The following SH3TC1 variants were observed in gnomAD, a reference collection of about 807,000 sequenced individuals.
The protein encoded by SH3TC1 is SH3 domain and tetratricopeptide repeat-containing protein 1.
A neutral mutation model predicts 117.3 loss-of-function variants in SH3TC1; 135 were observed. The ratio of observed to expected loss-of-function variants is 1.15; its 90% CI spans 1.00 to 1.33. SH3TC1 has a LOEUF of 1.33. SH3TC1 is among the 40% of genes most tolerant of loss of function. SH3TC1 has a pLI of 0.00. For synonymous variants in SH3TC1, 898 were observed against 816.9 expected (o/e 1.10, Z -1.69); for missense variants, 2,092 against 1,794.3 (o/e 1.17, Z -3.00).
chr4:8,214,632 G>GTGTAACCAGCAC, intron 5 of SH3TC1, 52 bp downstream of exon 5: 2 of 1,391,248 alleles, frequency 1.4e-6, no homozygotes, highest in Non-Finnish European at 2.0e-6. Flanking sequence ...GTCGGAAGGT[G>GTGTAACCAGCAC]CTGGTTACAC....
In SH3TC1 at chr4:8,183,157, G is replaced by C. The variant is rs1034873963; in HGVS notation, c.-57+947G>C. ...CGACCTTGCCTCCCTCTCCCGCTGG[G>C]GCTATAGAATGGTCTGGAGCCCTCT... On this transcript the variant is annotated intron_variant, in intron 1 of 16. Transcript: ENST00000508641. The surrounding 1 kb of genome is among the most constrained non-coding windows in gnomAD (Gnocchi z 5.4). 3.3e-5 allele frequency among the ~76,000 whole-genome samples: 5 copies of C among 152,180 alleles called. No individual in the cohort carries two copies. Among genetic ancestry groups the C allele is most frequent in the African/African-American group, 1.2e-4 (5 of 41,432 alleles).
At chr4:8,204,988 C>T (rs546219517) in intron 1 of SH3TC1, 179 bp from the exon 2 acceptor site, 11 of 420,374 alleles carry the variant, frequency 2.6e-5, no homozygotes, top group South Asian at 1.9e-4. Context: ...GGCGCAGCAG[C>T]GGTGCGGGAT....
Position 8,186,789 on chromosome 4 carries a change from C to T in SH3TC1, c.-57+4579C>T, listed in dbSNP as rs1717234063. Among the ~76,000 whole-genome samples the T allele has an allele frequency of 6.6e-6, 1 of 151,886 alleles. No homozygotes were observed. The highest frequency in any genetic ancestry group is 2.4e-5 in the African/African-American group (1 of 41,332). ...TGAAACCCCATCTCTACTAAAAATA[C>T]AAAAATTAGCTGGGCGTGGTGGCGG... On this transcript the variant is annotated intron_variant, in intron 1 of 16. Coordinates refer to the SH3TC1 transcript ENST00000508641. The surrounding 1 kb of genome is among the most constrained non-coding windows in gnomAD (Gnocchi z 5.2).
rs981511594 is a variant in SH3TC1, at chr4:8,186,386, T to C, written c.-57+4176T>C. Among the ~76,000 whole-genome samples, 12 of 152,320 alleles carry C rather than the reference T, an allele frequency of 7.9e-5. No homozygotes were observed. Among genetic ancestry groups the C allele is most frequent in the African/African-American group, 2.9e-4 (12 of 41,584 alleles). On this transcript the variant is annotated intron_variant, in intron 1 of 16. Coordinates refer to the SH3TC1 transcript ENST00000508641. This position sits in a 1 kb window ranked among gnomAD's most constrained non-coding sequence, Gnocchi z 5.2. ...AAAGGCACCCCAAAAGACGAGGTGA[T>C]GAAACCAGACGTGGTGTCCCCCATG...
chr4:8,223,005 C>G (rs1390083368), intron 10 of SH3TC1, 35 bp downstream of exon 10: 1 of 1,593,046 alleles, frequency 6.3e-7, no homozygotes, highest in Non-Finnish European at 8.6e-7. Flanking sequence ...GGGGCCACTG[C>G]CCTCCCCTTT....
intron 3 of SH3TC1, 132 bp from the exon 4 acceptor site, chr4:8,212,569 C>A (rs780847976): frequency 1.9e-5 from 24 of 1,268,058 alleles, no homozygotes; most frequent in Non-Finnish European, 2.4e-5. Flanking sequence ...GGGGCTTGGG[C>A]TCCCCAGGAG....
At position 8,218,334 on chromosome 4, in the gene SH3TC1, C is replaced by A. The variant is rs373637959; in HGVS notation, c.903C>A (p.Gly301=). 1.2e-6 allele frequency: 2 copies of A among 1,610,968 alleles called. No individual in the cohort carries two copies. The highest frequency in any genetic ancestry group is 1.7e-6 in the Non-Finnish European group (2 of 1,177,654). Residue 301 remains glycine, a synonymous_variant, in exon 8 of 18, where the codon GGC becomes GGA. Transcript: ENST00000245105. ...CCATGGGTGGCCCTGTGATGCCCGG[C>A]AACCCGCTGATGGGTAAGTGTTTCC... ...DDAMGGPVMP[G]NPLMAVGLAS...
chr4:8,194,495 C>T (rs1254133181), upstream of SH3TC1, among the ~76,000 whole-genome samples: 2 of 152,166 alleles, frequency 1.3e-5, no homozygotes, highest in Non-Finnish European at 2.9e-5. Flanking sequence ...TGAGCTTGTT[C>T]CGCCCTCAGG....
Position 8,236,335 on chromosome 4 carries a change from TG to T in SH3TC1, c.3464del (p.Cys1155SerfsTer25), listed in dbSNP as rs1464473517. The T allele has an allele frequency of 3.9e-6, 6 of 1,552,746 alleles. No homozygotes were observed. The highest frequency in any genetic ancestry group is 5.2e-6 in the Non-Finnish European group (6 of 1,148,652). ...TGNRKAELRL[C>X]NKLVALLATL... Reference sequence around the variant, plus strand: ...CAACCGCAAGGCGGAGCTGCGGCTGTGCAACAAGCTGGTGGCACTGCTGGCC... The same window carrying T: ...CAACCGCAAGGCGGAGCTGCGGCTGTCAACAAGCTGGTGGCACTGCTGGCC... On this transcript the variant is annotated frameshift_variant, in exon 16 of 18. Transcript: ENST00000245105. LOFTEE classifies it high-confidence loss of function.
intron 12 of SH3TC1, among the ~76,000 whole-genome samples, chr4:8,230,669 G>T (rs1721109249): frequency 6.6e-6 from 1 of 151,968 alleles, no homozygotes; most frequent in South Asian, 2.1e-4. Context: ...TAAGGTGGAA[G>T]GTTGGGTTTT....
rs1578657560 is a variant in SH3TC1 at position 8,206,603 on chromosome 4, T to C, written c.172+1237T>C. ...ACCGTGGCATCGCCTCTCCCTGGAG[T>C]GAATCTCTGTGGACCGAGCGGAGGG... is the stretch of plus-strand genomic sequence containing the variant. On this transcript the variant is annotated intron_variant, in intron 2 of 17. Transcript: ENST00000245105. The surrounding 1 kb of genome is among the most constrained non-coding windows in gnomAD (Gnocchi z 5.5). Among the ~76,000 whole-genome samples the C allele has an allele frequency of 6.6e-6, 1 of 151,826 alleles. No homozygotes were observed. The highest frequency in any genetic ancestry group is 1.5e-5 in the Non-Finnish European group (1 of 67,970).
chr4:8,224,360 C>G (rs1720265463), intron 10 of SH3TC1, among the ~76,000 whole-genome samples: 1 of 152,212 alleles, frequency 6.6e-6, no homozygotes, highest in African/African-American at 2.4e-5. Context: ...CTCAGCATAT[C>G]AAGGCTCAGA....
At chr4:8,182,264 G>C (rs1717100350) in intron 1 of SH3TC1, 1 of 152,328 alleles carries the variant, frequency 6.6e-6, no homozygotes, top group Non-Finnish European at 1.5e-5. Context: ...TCCCTGCCGA[G>C]GCTAAAGCCC....
chr4:8,205,727 C>T lies in SH3TC1; in HGVS notation c.172+361C>T. 1 of 689,808 alleles carries T rather than the reference C, an allele frequency of 1.4e-6. No individual in the cohort carries two copies. Among genetic ancestry groups the T allele is most frequent in the Non-Finnish European group, 2.7e-6 (1 of 373,670 alleles). 42.7% of individuals were successfully genotyped at this position (689,808 alleles called of 1,614,324 possible). ...CCTGAGAGTCCTCAGGATGAGGCAT[C>T]CTCGTTCTCCAGGAGGCACCCAAGG... On this transcript the variant is annotated intron_variant, in intron 2 of 17. Coordinates refer to ENST00000245105, the MANE Select transcript of SH3TC1 (RefSeq NM_018986.5). The surrounding 1 kb of genome is among the most constrained non-coding windows in gnomAD (Gnocchi z 5.4).
chr4:8,197,452 G>T (rs1437765470), upstream of SH3TC1, among the ~76,000 whole-genome samples: 1 of 152,248 alleles, frequency 6.6e-6, no homozygotes, highest in African/African-American at 2.4e-5. Context: ...GACGCAGCCG[G>T]GGCTGGGGAG....
intron 8 of SH3TC1, among the ~76,000 whole-genome samples, chr4:8,218,796 G>A (rs148332587): frequency 1.4e-4 from 21 of 152,376 alleles, no homozygotes; most frequent in Non-Finnish European, 2.1e-4. Context: ...GACCGTGACC[G>A]CGTCCTCTTT....
At chr4:8,223,687 C>T (rs1451859487) in intron 10 of SH3TC1, among the ~76,000 whole-genome samples, 1 of 147,816 alleles carries the variant, frequency 6.8e-6, no homozygotes, top group African/African-American at 2.5e-5. Flanking sequence ...GGCTGGAGTG[C>T]AGTGGCATGA....
chr4:8,212,359 AG>A lies in SH3TC1; in HGVS notation c.248-338del, dbSNP rs551860253. Among the ~76,000 whole-genome samples the A allele has an allele frequency of 1.8e-3, 275 of 151,760 alleles. 2 individuals are homozygous for A. The highest frequency in any genetic ancestry group is 6.3e-3 in the African/African-American group (259 of 41,350). ...CCCTCTGGGGCGGAGCGCTGAGGGG[AG>A]GGGTTGGAGGTCACGGTGACAGGGA... is the stretch of plus-strand genomic sequence containing the variant. On this transcript the variant is annotated intron_variant, in intron 3 of 17. Transcript: ENST00000245105.
At position 8,219,454 on chromosome 4, in the gene SH3TC1, G is replaced by A. The variant is rs902592922; in HGVS notation, c.1036G>A (p.Val346Met). 14 of 1,609,348 alleles carry A rather than the reference G, an allele frequency of 8.7e-6. No individual in the cohort carries two copies. Among genetic ancestry groups the A allele is most frequent in the East Asian group, 4.5e-5 (2 of 44,696 alleles). Residue 346 changes from valine (V) to methionine (M), a missense_variant, in exon 9 of 18, where the codon GTG becomes ATG. Coordinates refer to ENST00000245105, the MANE Select transcript of SH3TC1 (RefSeq NM_018986.5). Reference protein sequence around the residue: ...GAQVPSLPWCVGRHAASGRVG... With the variant: ...GAQVPSLPWCMGRHAASGRVG... ...GCAGGTGCCCAGCCTGCCCTGGTGC[G>A]TGGGCCGACACGCAGCCTCGGGCCG... is the stretch of plus-strand genomic sequence containing the variant.
Sources: allele counts gnomAD v4.1 joint callset (sites outside exome capture counted in the v4.1 genomes callset), GRCh38; gene constraint gnomAD v4.1.1; non-coding constraint Gnocchi (gnomAD v3.1); transcripts MANE v1.5; gene names NCBI Gene and HGNC (gene_info 2026-07-23, HGNC 2026-07-21).